Variants in RYR1 observed in about 807,000 individuals in gnomAD.
RYR1 encodes ryanodine receptor 1, also known as central core disease of muscle.
A neutral mutation model predicts 583.5 loss-of-function variants in RYR1; 342 were observed. The observed-to-expected ratio is 0.59, with a 90% CI of 0.54 to 0.64. The LOEUF (loss-of-function observed/expected upper bound fraction) is 0.64. Among genes scored for constraint, RYR1 ranks in the 30% least tolerant of loss-of-function variants. RYR1 has a pLI of 0.00. For synonymous variants in RYR1, 2,791 were observed against 2,822.5 expected (o/e 0.99, Z 0.35); for missense variants, 6,032 against 6,917.2 (o/e 0.87, Z 4.54).
At chr19:38,566,214 C>T (rs1041657506) in intron 91 of RYR1, among the ~76,000 whole-genome samples, 9 of 151,586 alleles carry the variant, frequency 5.9e-5, no homozygotes, top group Admixed American at 1.3e-4. Flanking sequence ...TTTGGGAGGC[C>T]GAGGCGGGCC....
At chr19:38,492,092 T>C (rs1345899149) in intron 37 of RYR1, among the ~76,000 whole-genome samples, 1 of 152,118 alleles carries the variant, frequency 6.6e-6, no homozygotes, top group Non-Finnish European at 1.5e-5. Flanking sequence ...CCAGGGGTGG[T>C]GGCTCATGCC....
chr19:38,463,534 G>T lies in RYR1; in HGVS notation c.2682+7G>T. ...GGGCTGGACCTACGGCCCGGTGAGG[G>T]GCTGCCTGCAGCCTGCGGGAGGCCG... On this transcript the variant is annotated splice_region_variant and intron_variant, in intron 21 of 105. Transcript: ENST00000359596. 1 of 1,611,094 alleles carries T rather than the reference G, an allele frequency of 6.2e-7. No individual in the cohort carries two copies.
chr19:38,544,988 G>A (rs1341626818), intron 87 of RYR1, among the ~76,000 whole-genome samples: 3 of 151,898 alleles, frequency 2.0e-5, no homozygotes, highest in African/African-American at 4.8e-5. Context: ...TCCCTGGGCT[G>A]GAAAAAATGG....
Position 38,502,915 on chromosome 19 carries a change from G to T in RYR1, c.7871G>T (p.Arg2624Leu). 1.2e-6 allele frequency: 2 copies of T among 1,611,738 alleles called. No individual in the cohort carries two copies. The highest frequency in any genetic ancestry group is 1.7e-6 in the Non-Finnish European group (2 of 1,179,960). The change falls in exon 49 of 106, where the codon CGC becomes CTC. Residue 2624 changes from arginine to leucine, a missense_variant. Physicochemically the swap from Arg to Leu is moderately radical, Grantham distance 102. Around this residue, in one of 11 missense-constraint regions of RYR1, gnomAD observed 250 missense variants for 162.3 expected, o/e 1.54. Transcript: ENST00000359596. ...IRPSMLQHLL[R>L]RLVFDVPILN... ...CCGTCGATGCTGCAGCACCTGTTGCGCCGCCTGGTGTTCGACGTGCCCATC... is the reference window on the plus strand; with the variant it reads ...CCGTCGATGCTGCAGCACCTGTTGCTCCGCCTGGTGTTCGACGTGCCCATC...
intron 29 of RYR1, among the ~76,000 whole-genome samples, chr19:38,476,929 GA>G (rs1322593416): frequency 6.6e-6 from 1 of 152,082 alleles, no homozygotes; most frequent in Non-Finnish European, 1.5e-5. Context: ...AGAACGTTGG[GA>G]GGCCAAGGTG....
chr19:38,502,477 C>T (rs375505333), intron 47 of RYR1, 30 bp from the exon 48 acceptor site: 5 of 1,583,526 alleles, frequency 3.2e-6, no homozygotes, highest in Non-Finnish European at 4.3e-6. Context: ...GGGTGTGCAG[C>T]GGGCCTGATG....
intron 89 of RYR1, among the ~76,000 whole-genome samples, chr19:38,555,229 C>T (rs999155244): frequency 1.3e-5 from 2 of 151,958 alleles, no homozygotes; most frequent in African/African-American, 4.8e-5. Flanking sequence ...AGAGAGTGGA[C>T]TGTTTGAGTC....
chr19:38,522,152 T>C (rs1971253200), intron 67 of RYR1, among the ~76,000 whole-genome samples: 3 of 152,242 alleles, frequency 2.0e-5, no homozygotes, highest in Non-Finnish European at 4.4e-5. Flanking sequence ...CGGTGCTGGC[T>C]ACACAAGTGT....
chr19:38,503,056 C>A, intron 49 of RYR1, 86 bp downstream of exon 49: 2 of 1,318,432 alleles, frequency 1.5e-6, no homozygotes, highest in Non-Finnish European at 1.1e-6. Flanking sequence ...TCATTTGTGT[C>A]GGCACTGCCC....
At chr19:38,559,077 CAAGACTCCGTCTCAATA>C (rs1973006327) in intron 89 of RYR1, among the ~76,000 whole-genome samples, 1 of 152,068 alleles carries the variant, frequency 6.6e-6, no homozygotes, top group Non-Finnish European at 1.5e-5. Flanking sequence ...CAAGACAGAG[CAAGACTCCGTCTCAATA>C]AGTAAGTAAG....
In RYR1 at chr19:38,469,166, C is replaced by T. The variant is rs753300195; in HGVS notation, c.3556+26C>T. 4.3e-6 allele frequency: 7 copies of T among 1,613,862 alleles called. No individual in the cohort carries two copies. The Admixed American group carries it at 1.2e-4, about 27-fold the overall frequency. ...GTGAGGGCTGAGACCCCTTCACATG[C>T]CCTTTCTTGTTTTCCTCTGTCTCTC... On this transcript the variant is annotated intron_variant, in intron 26 of 105. Transcript: ENST00000359596.
At chr19:38,535,010 C>A in intron 79 of RYR1, 131 bp from the exon 80 acceptor site, 3 of 1,053,312 alleles carry the variant, frequency 2.8e-6, no homozygotes, top group Non-Finnish European at 4.3e-6. Context: ...ATCACGATCA[C>A]CCCTGCATGC....
chr19:38,539,785 A>G (rs546208271), intron 84 of RYR1, among the ~76,000 whole-genome samples: 1 of 152,352 alleles, frequency 6.6e-6, no homozygotes, highest in African/African-American at 2.4e-5. Context: ...TATTCAAAGC[A>G]GACAAAAGGT....
At position 38,565,674 on chromosome 19, in the gene RYR1, G is replaced by T. The variant is rs1185668732; in HGVS notation, c.13340G>T (p.Arg4447Leu). The change falls in exon 91 of 106, where the codon CGG becomes CTG. Residue 4447 changes from arginine to leucine, a missense_variant. By Grantham distance (102) the Arg-to-Leu change is moderately radical. This residue lies in a region of RYR1 where 753 missense variants were observed against 759.6 expected (regional missense o/e 0.99). Coordinates refer to ENST00000359596, the MANE Select transcript of RYR1 (RefSeq NM_000540.3). The surrounding 1 kb of genome is among the most constrained non-coding windows in gnomAD (Gnocchi z 4.7). ...AVAVTDGGPFRPEGAGGLGDM... is the reference protein window; with the variant it reads ...AVAVTDGGPFLPEGAGGLGDM... ...GCCGTGACCGATGGGGGCCCCTTCC[G>T]GCCCGAAGGGGCTGGCGGTCTCGGG... 2.2e-6 allele frequency: 3 copies of T among 1,395,190 alleles called. No homozygotes were observed. The highest frequency in any genetic ancestry group is 2.8e-6 in the Non-Finnish European group (3 of 1,084,834). The allele number at this position is 1,395,190 out of a possible 1,614,324, so 86.4% of individuals were successfully genotyped here.
chr19:38,517,397 G>A lies in RYR1; in HGVS notation c.9724G>A (p.Asp3242Asn), dbSNP rs1231911930. 13 of 1,614,024 alleles carry A rather than the reference G, an allele frequency of 8.1e-6. No homozygotes were observed. The highest frequency in any genetic ancestry group is 1.1e-5 in the South Asian group (1 of 91,076). The stretch of plus-strand genomic sequence containing the variant: ...CAACAGTGTGGAGGAGATGTGTCCC[G>A]ACATCCCGGTGCTGGAGCGGCTCAT... ...LPNSVEEMCP[D>N]IPVLERLMAD... Residue 3242 changes from aspartate (D) to asparagine (N), a missense_variant, in exon 66 of 106, where the codon GAC becomes AAC. Asp to Asn is a conservative substitution (Grantham distance 23, BLOSUM62 1). Around this residue, in one of 11 missense-constraint regions of RYR1, gnomAD observed 1,493 missense variants for 1,715.5 expected, o/e 0.87. Transcript: ENST00000359596.
intron 102 of RYR1, among the ~76,000 whole-genome samples, 176 bp from the exon 103 acceptor site, chr19:38,585,762 C>T (rs137934477): frequency 1.6e-4 from 24 of 152,086 alleles, no homozygotes; most frequent in African/African-American, 5.3e-4. Flanking sequence ...GGATTACAGG[C>T]GTGAGCCACC....
chr19:38,516,983 C>T (rs1279748688), intron 65 of RYR1, among the ~76,000 whole-genome samples: 3 of 151,956 alleles, frequency 2.0e-5, no homozygotes, highest in African/African-American at 4.8e-5. Flanking sequence ...GGGACTGAAC[C>T]GGGTGTGGGA....
intron 89 of RYR1, among the ~76,000 whole-genome samples, chr19:38,554,609 A>G (rs1217483166): frequency 6.6e-6 from 1 of 151,964 alleles, no homozygotes; most frequent in Non-Finnish European, 1.5e-5. Flanking sequence ...TGGTGTTTGA[A>G]ATCACATTTT....
chr19:38,457,413 C>T (rs1036538958), intron 16 of RYR1, 84 bp from the exon 17 acceptor site: 28 of 1,601,980 alleles, frequency 1.7e-5, no homozygotes, highest in African/African-American at 2.7e-5. Context: ...GTCCTTTCCT[C>T]CTGGCTTCCC....
Sources: gnomAD v4.1 joint callset for allele counts (sites outside exome capture counted in the v4.1 genomes callset) on GRCh38, gnomAD v4.1.1 for gene constraint, gnomAD v4.1.1 regional missense constraint, Gnocchi (gnomAD v3.1) non-coding constraint, MANE v1.5 for transcripts, NCBI Gene and HGNC (gene_info 2026-07-23, HGNC 2026-07-21) for gene names.